Variants in NECAB1 observed in about 807,000 individuals in gnomAD.
The protein encoded by NECAB1 is N-terminal EF-hand calcium binding protein 1.
In NECAB1, 29 loss-of-function variants were observed where a neutral mutation model predicts 57.5. The observed-to-expected ratio is 0.50, with a 90% CI of 0.38 to 0.69. NECAB1 has a LOEUF of 0.69. Among genes scored for constraint, NECAB1 ranks in the 30% least tolerant of loss-of-function variants. The pLI is 0.00. For missense variants in NECAB1, 372 were observed against 413.8 expected, an observed-to-expected ratio of 0.90 and a Z score of 0.88; for synonymous variants, 142 against 147.7, an observed-to-expected ratio of 0.96 and a Z score of 0.28.
intron 5 of NECAB1, among the ~76,000 whole-genome samples, chr8:90,912,147 T>C (rs1014371458): frequency 2.0e-5 from 3 of 152,120 alleles, no homozygotes; most frequent in Non-Finnish European, 4.4e-5. Context: ...GGGCTGACTC[T>C]CTAGATGTCC....
chr8:90,827,540 A>G (rs890436875), intron 3 of NECAB1, among the ~76,000 whole-genome samples: 2 of 152,034 alleles, frequency 1.3e-5, no homozygotes, highest in Non-Finnish European at 1.5e-5. Context: ...GTTCTAAGAC[A>G]GTGTTACCCA....
At chr8:90,929,001 A>G (rs746165618) in intron 8 of NECAB1, among the ~76,000 whole-genome samples, 2 of 152,216 alleles carry the variant, frequency 1.3e-5, no homozygotes, top group Non-Finnish European at 2.9e-5. Context: ...CATGTCAGGC[A>G]CCAAGGGAGA....
At chr8:90,938,504 T>C (rs1810594196) in intron 9 of NECAB1, among the ~76,000 whole-genome samples, 1 of 152,218 alleles carries the variant, frequency 6.6e-6, no homozygotes, top group Non-Finnish European at 1.5e-5. Flanking sequence ...CATCCTACAA[T>C]TTGTTTCGGC....
intron 4 of NECAB1, among the ~76,000 whole-genome samples, chr8:90,876,252 G>A (rs1390405192): frequency 6.6e-6 from 1 of 152,010 alleles, no homozygotes; most frequent in African/African-American, 2.4e-5. Context: ...TCCTCCAGTG[G>A]CACATGTCAC....
At chr8:90,816,620 T>A (rs952233807) in intron 2 of NECAB1, among the ~76,000 whole-genome samples, 6 of 151,830 alleles carry the variant, frequency 4.0e-5, no homozygotes, top group African/African-American at 1.4e-4. Context: ...TTCTCCTTTG[T>A]CAACAATCAG....
chr8:90,875,573 G>A (rs906549202), intron 4 of NECAB1, among the ~76,000 whole-genome samples: 1 of 149,506 alleles, frequency 6.7e-6, no homozygotes. Flanking sequence ...GAATGTGCTT[G>A]ATCTGAAAGC....
chr8:90,852,507 G>A (rs1812703845), intron 3 of NECAB1, among the ~76,000 whole-genome samples: 1 of 152,148 alleles, frequency 6.6e-6, no homozygotes, highest in African/African-American at 2.4e-5. Flanking sequence ...GCCTGAAACT[G>A]TGGCCCAAAA....
intron 5 of NECAB1, among the ~76,000 whole-genome samples, chr8:90,889,710 CTA>C (rs1809106902): frequency 6.6e-6 from 1 of 152,180 alleles, no homozygotes; most frequent in Non-Finnish European, 1.5e-5. Flanking sequence ...AGGGCTGCTC[CTA>C]TGATATAGTA....
At chr8:90,868,355 C>G (rs185885942) in intron 3 of NECAB1, among the ~76,000 whole-genome samples, 1 of 152,032 alleles carries the variant, frequency 6.6e-6, no homozygotes, top group African/African-American at 2.4e-5. Flanking sequence ...AGCTGAGTAA[C>G]GGGCAGAGGT....
At chr8:90,813,329 A>C (rs1812000471) in intron 2 of NECAB1, among the ~76,000 whole-genome samples, 1 of 151,908 alleles carries the variant, frequency 6.6e-6, no homozygotes, top group African/African-American at 2.4e-5. Flanking sequence ...TCTGTAAAAT[A>C]CATGGAGCCA....
chr8:90,812,661 A>G (rs1811981872), intron 2 of NECAB1: 2 of 152,108 alleles, frequency 1.3e-5, no homozygotes, highest in Non-Finnish European at 2.9e-5. Context: ...TCTACCTGAT[A>G]TCTGAGCATT....
intron 7 of NECAB1, among the ~76,000 whole-genome samples, chr8:90,927,713 A>G (rs1810308587): frequency 6.6e-6 from 1 of 151,046 alleles, no homozygotes; most frequent in Admixed American, 6.6e-5. Flanking sequence ...TCCAGTCTGC[A>G]CTCTTAACCA....
At chr8:90,947,829 T>C (rs746699928) in intron 10 of NECAB1, among the ~76,000 whole-genome samples, 7 of 152,254 alleles carry the variant, frequency 4.6e-5, no homozygotes, top group African/African-American at 9.6e-5. Context: ...TGCTGGGCTA[T>C]ACTTTAAATC....
chr8:90,806,077 TAGTA>T (rs1376264536), intron 2 of NECAB1, among the ~76,000 whole-genome samples: 3 of 152,234 alleles, frequency 2.0e-5, no homozygotes, highest in Non-Finnish European at 4.4e-5. Context: ...TTTGAAATCT[TAGTA>T]AGAGGCAAAA....
At chr8:90,918,577 A>G (rs892052058) in intron 6 of NECAB1, among the ~76,000 whole-genome samples, 1 of 152,214 alleles carries the variant, frequency 6.6e-6, no homozygotes, top group African/African-American at 2.4e-5. Context: ...AGTCAATTTC[A>G]TGGAGTTTCT....
chr8:90,917,069 G>T (rs112715271), intron 5 of NECAB1, among the ~76,000 whole-genome samples: 10 of 152,202 alleles, frequency 6.6e-5, no homozygotes, highest in African/African-American at 1.9e-4. Context: ...CTGAAACATG[G>T]TTGCATTTTG....
chr8:90,895,728 T>C (rs1031692375), intron 5 of NECAB1, among the ~76,000 whole-genome samples: 19 of 152,188 alleles, frequency 1.2e-4, no homozygotes, highest in African/African-American at 4.3e-4. Context: ...AAATGAAAAT[T>C]AGTCAGATTT....
intron 3 of NECAB1, among the ~76,000 whole-genome samples, chr8:90,869,135 GGT>G (rs1808572676): frequency 6.6e-6 from 1 of 152,248 alleles, no homozygotes; most frequent in African/African-American, 2.4e-5. Context: ...TGAGCCTACA[GGT>G]GTGCAGAAGG....
At chr8:90,810,427 C>T (rs914761668) in intron 2 of NECAB1, among the ~76,000 whole-genome samples, 4 of 152,108 alleles carry the variant, frequency 2.6e-5, no homozygotes, top group African/African-American at 9.7e-5. Flanking sequence ...CAAAAGAATA[C>T]ATTTACTTTA....
Sources: gnomAD v4.1 joint callset for allele counts (sites outside exome capture counted in the v4.1 genomes callset) on GRCh38, gnomAD v4.1.1 for gene constraint, MANE v1.5 for transcripts, NCBI Gene and HGNC (gene_info 2026-07-23, HGNC 2026-07-21) for gene names.